GRIN2D: variants seen among roughly 807,000 people sequenced by gnomAD.
The protein encoded by GRIN2D is glutamate ionotropic receptor NMDA type subunit 2D, also known as glutamate receptor ionotropic, NMDA 2D.
In GRIN2D, 37 loss-of-function variants were observed where a neutral mutation model predicts 103.2. The observed-to-expected ratio is 0.36, with a 90% CI of 0.28 to 0.47. GRIN2D has a LOEUF of 0.47. GRIN2D is among the 20% of genes least tolerant of loss of function. GRIN2D has a pLI of 1.00. For synonymous variants in GRIN2D, 845 were observed against 885.6 expected (o/e 0.95, Z 0.81); for missense variants, 1,557 against 1,910.6 (o/e 0.81, Z 3.45).
chr19:48,402,718 C>G (rs1454106982), intron 3 of GRIN2D, among the ~76,000 whole-genome samples: 1 of 88,872 alleles, frequency 1.1e-5, no homozygotes, highest in African/African-American at 4.9e-5. Context: ...AGCAAGACTC[C>G]GTCTCAAAAA....
At chr19:48,415,165 G>A in intron 7 of GRIN2D, 133 bp downstream of exon 7, 1 of 795,600 alleles carries the variant, frequency 1.3e-6, no homozygotes, top group Non-Finnish European at 1.9e-6. Context: ...GAGCTCAGGG[G>A]TTCGAGACCA....
Position 48,414,217 on chromosome 19 carries a change from G to T in GRIN2D, c.1200+112G>T. ...GAGGGAGGAGGGGACAAGGAGCCTG[G>T]ACTCCTGGGTCCTGGGATCTGAAGG... is the stretch of plus-strand genomic sequence containing the variant. On this transcript the variant is annotated intron_variant, in intron 5 of 13. Transcript: ENST00000263269. This position sits in a 1 kb window ranked among gnomAD's most constrained non-coding sequence, Gnocchi z 4.6. 1 of 889,262 alleles carries T rather than the reference G, an allele frequency of 1.1e-6. No homozygotes were observed. Among genetic ancestry groups the T allele is most frequent in the South Asian group, 1.5e-5 (1 of 68,226 alleles). 55.1% of individuals were successfully genotyped at this position (889,262 alleles called of 1,614,324 possible). A position where few individuals can be genotyped will look rare whatever the true frequency, so the allele number is the denominator to read the frequency against.
chr19:48,405,024 G>A lies in GRIN2D; in HGVS notation c.756G>A (p.Glu252=). The A allele has an allele frequency of 6.2e-7, 1 of 1,612,196 alleles. No individual in the cohort carries two copies. The highest frequency in any genetic ancestry group is 8.5e-7 in the Non-Finnish European group (1 of 1,179,340). The stretch of plus-strand genomic sequence containing the variant: ...GCCTGCTCTTCTGCGCCCGAGAGGA[G>A]GCCGAGCCCGTGTTCCGCGCAGCTG... The part of the protein sequence containing the change: ...QIRLLFCARE[E]AEPVFRAAEE... Residue 252 remains glutamate (E), a synonymous_variant, in exon 4 of 14, where the codon GAG becomes GAA. Coordinates refer to ENST00000263269, the MANE Select transcript of GRIN2D (RefSeq NM_000836.4). This position sits in a 1 kb window ranked among gnomAD's most constrained non-coding sequence, Gnocchi z 5.1.
chr19:48,404,628 C>T (rs1762175311), intron 3 of GRIN2D, 106 bp from the exon 4 acceptor site: 2 of 1,135,332 alleles, frequency 1.8e-6, no homozygotes, highest in African/African-American at 1.6e-5. Context: ...GTTTAGTGAA[C>T]CTGTCGAGTC....
chr19:48,439,999 G>A (rs1971272803), intron 11 of GRIN2D, among the ~76,000 whole-genome samples: 1 of 152,008 alleles, frequency 6.6e-6, no homozygotes, highest in Non-Finnish European at 1.5e-5. Flanking sequence ...ATCAACTGAG[G>A]TCAGGAGTTC....
intron 7 of GRIN2D, 115 bp from the exon 8 acceptor site, chr19:48,415,887 C>T (rs1314612930): frequency 3.3e-6 from 3 of 896,646 alleles, no homozygotes; most frequent in Non-Finnish European, 3.7e-6. Flanking sequence ...CCTCTTGGCC[C>T]CTTCCCTCAC....
At chr19:48,438,592 C>T (rs1195655200) in intron 11 of GRIN2D, among the ~76,000 whole-genome samples, 1 of 151,852 alleles carries the variant, frequency 6.6e-6, no homozygotes, top group Non-Finnish European at 1.5e-5. Context: ...GCCACCGTGC[C>T]CGGCCTAATT....
intron 11 of GRIN2D, among the ~76,000 whole-genome samples, chr19:48,432,292 C>T (rs377529873): frequency 2.2e-4 from 34 of 151,218 alleles, no homozygotes; most frequent in African/African-American, 6.8e-4. Flanking sequence ...TGGGCTCAAG[C>T]GATCCTCCTG....
Position 48,414,859 on chromosome 19 carries a change from C to T in GRIN2D, c.1413-5C>T, listed in dbSNP as rs756729627. 13 of 1,613,844 alleles carry T rather than the reference C, an allele frequency of 8.1e-6. No individual in the cohort carries two copies. Among genetic ancestry groups the T allele is most frequent in the Non-Finnish European group, 1.1e-5 (13 of 1,179,984 alleles). ...AAACTCCCCAAGCCTGGTCACTGCC[C>T]GCAGCCCTCCACCGGATGCCCCCCG... On this transcript the variant is annotated splice_region_variant and splice_polypyrimidine_tract_variant and intron_variant, in intron 6 of 13. Transcript: ENST00000263269. The surrounding 1 kb of genome is among the most constrained non-coding windows in gnomAD (Gnocchi z 4.6).
intron 10 of GRIN2D, among the ~76,000 whole-genome samples, chr19:48,420,978 A>G (rs1971015755): frequency 6.6e-6 from 1 of 152,214 alleles, no homozygotes; most frequent in Admixed American, 6.5e-5. Flanking sequence ...TGGTTTGCAG[A>G]GCATACTTTG....
In GRIN2D at chr19:48,442,741, T is replaced by A; in HGVS notation, c.2815T>A (p.Ser939Thr). The A allele has an allele frequency of 2.2e-5, 24 of 1,095,252 alleles. No individual in the cohort carries two copies. Among genetic ancestry groups the A allele is most frequent in the Non-Finnish European group, 2.7e-5 (24 of 900,630 alleles). The allele number at this position is 1,095,252 out of a possible 1,614,324, so 67.8% of individuals were successfully genotyped here. The change falls in exon 14 of 14, where the codon TCA becomes ACA. Residue 939 changes from serine to threonine, a missense_variant. Coordinates refer to ENST00000263269, the MANE Select transcript of GRIN2D (RefSeq NM_000836.4). The surrounding 1 kb of genome is among the most constrained non-coding windows in gnomAD (Gnocchi z 7.2). ...PAPFVPRERA[S>T]VDRWRRTKGA... ...ACCTTTCGTGCCCCGCGAGCGCGCC[T>A]CAGTGGACCGCTGGCGCCGGACCAA...
chr19:48,444,282 C>A lies in GRIN2D; in HGVS notation c.*345C>A, dbSNP rs1008406634. The A allele has an allele frequency of 2.3e-5, 5 of 216,328 alleles. No homozygotes were observed. The highest frequency in any genetic ancestry group is 3.7e-5 in the Non-Finnish European group (4 of 109,374). 13.4% of individuals were successfully genotyped at this position (216,328 alleles called of 1,614,324 possible). ...ACCTCCACGCCCGGGGCCGTGGCCC[C>A]CACATCACTGTGCAGCTCCCCGGCC... On this transcript the variant is annotated 3_prime_UTR_variant, in exon 14 of 14. Transcript: ENST00000263269. The surrounding 1 kb of genome is among the most constrained non-coding windows in gnomAD (Gnocchi z 5.5).
Position 48,398,416 on chromosome 19 carries a change from C to G in GRIN2D, c.24C>G (p.Arg8=). Residue 8 remains arginine (R), a synonymous_variant, in exon 3 of 14, where the codon CGC becomes CGG. Coordinates refer to ENST00000263269, the MANE Select transcript of GRIN2D (RefSeq NM_000836.4). ...CGATGCGCGGCGCCGGTGGCCCCCG[C>G]GGCCCTCGGGGCCCCGCTAAGATGC... is the stretch of plus-strand genomic sequence containing the variant. The part of the protein sequence containing the change: MRGAGGP[R]GPRGPAKMLL... The G allele has an allele frequency of 8.9e-7, 1 of 1,117,552 alleles. No homozygotes were observed. Among genetic ancestry groups the G allele is most frequent in the Non-Finnish European group, 1.1e-6 (1 of 915,758 alleles). The allele number at this position is 1,117,552 out of a possible 1,614,324, so 69.2% of individuals were successfully genotyped here.
intron 4 of GRIN2D, among the ~76,000 whole-genome samples, chr19:48,407,001 CG>C (rs1970800986): frequency 7.1e-6 from 1 of 141,590 alleles, no homozygotes; most frequent in Non-Finnish European, 1.5e-5. Context: ...TTTTTTGAGA[CG>C]GAGTCTCACT....
rs908853617 is a variant in GRIN2D at position 48,443,555 on chromosome 19, C to T, written c.3629C>T (p.Pro1210Leu). The part of the protein sequence containing the change: ...DGLDGGWWAP[P>L]PPPWAAGPLP... ...CTGGACGGCGGCTGGTGGGCGCCAC[C>T]GCCTCCACCCTGGGCCGCCGGGCCC... Residue 1210 changes from proline (P) to leucine (L), a missense_variant, in exon 14 of 14, where the codon CCG (proline) becomes CTG (leucine). Physicochemically the swap from Pro to Leu is moderately conservative, Grantham distance 98. Coordinates refer to ENST00000263269, the MANE Select transcript of GRIN2D (RefSeq NM_000836.4). The surrounding 1 kb of genome is among the most constrained non-coding windows in gnomAD (Gnocchi z 8.9). 1.6e-6 allele frequency: 2 copies of T among 1,263,396 alleles called. No homozygotes were observed. Among genetic ancestry groups the T allele is most frequent in the African/African-American group, 3.2e-5 (2 of 63,452 alleles). The allele number at this position is 1,263,396 out of a possible 1,614,324, so 78.3% of individuals were successfully genotyped here.
In GRIN2D at chr19:48,398,396, C is replaced by T; in HGVS notation, c.4C>T (p.Arg2Cys). 1 of 1,118,926 alleles carries T rather than the reference C, an allele frequency of 8.9e-7. No individual in the cohort carries two copies. Among genetic ancestry groups the T allele is most frequent in the Non-Finnish European group, 1.1e-6 (1 of 916,470 alleles). 69.3% of individuals were successfully genotyped at this position (1,118,926 alleles called of 1,614,324 possible). A position where few individuals can be genotyped will look rare whatever the true frequency, so the allele number is the denominator to read the frequency against. MRGAGGPRGPRG... is the reference protein window; with the variant it reads MCGAGGPRGPRG... ...CGCCCGGCGGGGCCCGCAGGCGATG[C>T]GCGGCGCCGGTGGCCCCCGCGGCCC... Residue 2 changes from arginine (R) to cysteine (C), a missense_variant, in exon 3 of 14, where the codon CGC becomes TGC. This residue lies in a region of GRIN2D where 490 missense variants were observed against 601.1 expected (regional missense o/e 0.82). Transcript: ENST00000263269.
At chr19:48,422,016 G>A (rs1308303298) in intron 11 of GRIN2D, 71 bp downstream of exon 11, 1 of 1,489,868 alleles carries the variant, frequency 6.7e-7, no homozygotes, top group African/African-American at 1.4e-5. Flanking sequence ...AGATGGCAAG[G>A]GGTCCAGGTT....
chr19:48,418,555 G>A (rs1415080531), intron 8 of GRIN2D, among the ~76,000 whole-genome samples: 1 of 152,130 alleles, frequency 6.6e-6, no homozygotes, highest in Admixed American at 6.6e-5. Context: ...GGTGGGAGGA[G>A]ATGAGGCCTG....
chr19:48,424,161 A>G (rs868436645), intron 11 of GRIN2D, among the ~76,000 whole-genome samples: 28 of 150,856 alleles, frequency 1.9e-4, no homozygotes, highest in African/African-American at 5.9e-4. Context: ...CACACCTGTA[A>G]TCCTAAAGCT....
Sources: allele counts gnomAD v4.1 joint callset (sites outside exome capture counted in the v4.1 genomes callset), GRCh38; gene constraint gnomAD v4.1.1; regional missense constraint gnomAD v4.1.1; non-coding constraint Gnocchi (gnomAD v3.1); transcripts MANE v1.5; gene names NCBI Gene and HGNC (gene_info 2026-07-23, HGNC 2026-07-21).